GRB14: variants seen among roughly 807,000 people sequenced by gnomAD.
GRB14 encodes the protein growth factor receptor bound protein 14, also known as growth factor receptor-bound protein 14.
GRB14 carries 38 observed loss-of-function variants against 69.1 expected under a neutral mutation model. The ratio of observed to expected loss-of-function variants is 0.55; its 90% CI spans 0.42 to 0.72. GRB14 has a LOEUF of 0.72. GRB14 is among the 30% of genes least tolerant of loss of function. GRB14 has a pLI of 0.00. For synonymous variants in GRB14, 247 were observed against 241.3 expected, an observed-to-expected ratio of 1.02 and a Z score of -0.22; for missense variants, 666 against 666.1, an observed-to-expected ratio of 1.00 and a Z score of 0.00.
chr2:164,505,330 C>T (rs1687161184), intron 8 of GRB14, among the ~76,000 whole-genome samples: 1 of 152,136 alleles, frequency 6.6e-6, no homozygotes, highest in Admixed American at 6.6e-5. Flanking sequence ...TGTATTTCAC[C>T]CATTTTTAGA....
chr2:164,619,945 G>A (rs1229632382), intron 1 of GRB14, 126 bp from the exon 2 acceptor site: 2 of 731,020 alleles, frequency 2.7e-6, no homozygotes, highest in Non-Finnish European at 4.6e-6. Context: ...ATTATATAAA[G>A]TATATAGAAA....
chr2:164,571,859 A>C (rs1689131152), intron 2 of GRB14, among the ~76,000 whole-genome samples: 1 of 152,112 alleles, frequency 6.6e-6, no homozygotes, highest in Non-Finnish European at 1.5e-5. Context: ...CCACTATTCC[A>C]CTCTACAACA....
chr2:164,535,433 G>T (rs567043262), intron 3 of GRB14, among the ~76,000 whole-genome samples: 1 of 152,308 alleles, frequency 6.6e-6, no homozygotes, highest in South Asian at 2.1e-4. Context: ...TTTCTTTGCT[G>T]AATCTACTGC....
rs544789559 is a variant in GRB14, at chr2:164,519,241, C to T, written c.816+2739G>A. 5.3e-5 allele frequency among the ~76,000 whole-genome samples: 8 copies of T among 152,190 alleles called. No individual in the cohort carries two copies. In the South Asian group the frequency reaches 1.5e-3, roughly 28 times the overall value. ...CATATGCAAGTCAATAAATGTGATACAACACATAAACAGAATTTAGAACAA... is the reference window on the plus strand; with the variant it reads ...CATATGCAAGTCAATAAATGTGATATAACACATAAACAGAATTTAGAACAA... On this transcript the variant is annotated intron_variant, in intron 6 of 13. Transcript: ENST00000263915.
intron 2 of GRB14, among the ~76,000 whole-genome samples, chr2:164,561,523 G>C (rs1688828318): frequency 6.6e-6 from 1 of 152,148 alleles, no homozygotes; most frequent in South Asian, 2.1e-4. Context: ...GGCAGAAAAG[G>C]TGAGATTCGT....
intron 12 of GRB14, among the ~76,000 whole-genome samples, chr2:164,496,335 G>A (rs891761560): frequency 7.2e-5 from 11 of 152,106 alleles, no homozygotes; most frequent in African/African-American, 2.7e-4. Flanking sequence ...ATTATAGAAA[G>A]TATCTGAAAC....
intron 2 of GRB14, among the ~76,000 whole-genome samples, chr2:164,580,455 A>G (rs1029283423): frequency 2.0e-5 from 3 of 148,918 alleles, no homozygotes; most frequent in Non-Finnish European, 4.5e-5. Context: ...CTGTAATCCC[A>G]GCACTTTGGG....
intron 12 of GRB14, among the ~76,000 whole-genome samples, chr2:164,496,539 C>T (rs1027339265): frequency 1.3e-5 from 2 of 151,922 alleles, no homozygotes; most frequent in African/African-American, 4.8e-5. Flanking sequence ...TGTAAACACA[C>T]AAAAAAATAA....
intron 2 of GRB14, among the ~76,000 whole-genome samples, chr2:164,567,414 G>C (rs1689004408): frequency 6.6e-6 from 1 of 152,100 alleles, no homozygotes; most frequent in Non-Finnish European, 1.5e-5. Context: ...CATGACCTTT[G>C]ACTTAATGGA....
At chr2:164,526,093 C>T (rs950102282) in intron 4 of GRB14, among the ~76,000 whole-genome samples, 9 of 152,082 alleles carry the variant, frequency 5.9e-5, no homozygotes, top group Non-Finnish European at 1.2e-4. Context: ...TTTCTCTTCA[C>T]AGTTGAATTT....
chr2:164,550,606 C>T (rs919053973), intron 2 of GRB14, among the ~76,000 whole-genome samples: 11 of 151,832 alleles, frequency 7.2e-5, no homozygotes, highest in Admixed American at 7.2e-4. Context: ...TTCCTTTGAC[C>T]CAGCAATTTT....
At chr2:164,493,277 C>A (rs751277645) in intron 13 of GRB14, 95 bp from the exon 14 acceptor site, 9 of 1,131,594 alleles carry the variant, frequency 8.0e-6, no homozygotes, top group Non-Finnish European at 1.1e-5. Context: ...GCCAAAACTG[C>A]CAAGTTTATA....
chr2:164,621,451 C>G lies in GRB14; in HGVS notation c.-142G>C. On this transcript the variant is annotated 5_prime_UTR_variant, in exon 1 of 14. Transcript: ENST00000263915. The surrounding 1 kb of genome is among the most constrained non-coding windows in gnomAD (Gnocchi z 6.0). ...GCCTCGCCGCCTGCGCTCGGGGCCC[C>G]GGCGGCTGAGACGCGCGGCCGAGCT... is the stretch of plus-strand genomic sequence containing the variant. The G allele has an allele frequency of 2.8e-6, 1 of 355,830 alleles. No individual in the cohort carries two copies. The highest frequency in any genetic ancestry group is 3.9e-6 in the Non-Finnish European group (1 of 253,700). The allele number at this position is 355,830 out of a possible 1,614,324, so 22.0% of individuals were successfully genotyped here. A position where few individuals can be genotyped will look rare whatever the true frequency, so the allele number is the denominator to read the frequency against.
chr2:164,575,379 T>G (rs754715265), intron 2 of GRB14, among the ~76,000 whole-genome samples: 1 of 152,114 alleles, frequency 6.6e-6, no homozygotes, highest in Non-Finnish European at 1.5e-5. Flanking sequence ...ATAACTGAAA[T>G]AAACACTGAA....
intron 2 of GRB14, among the ~76,000 whole-genome samples, chr2:164,548,855 T>C (rs145895127): frequency 5.9e-5 from 9 of 152,280 alleles, no homozygotes; most frequent in East Asian, 1.9e-4. Context: ...CATTTTTATG[T>C]CTATTCAGGC....
At chr2:164,548,625 C>A (rs903481291) in intron 2 of GRB14, among the ~76,000 whole-genome samples, 2 of 152,084 alleles carry the variant, frequency 1.3e-5, no homozygotes, top group African/African-American at 4.8e-5. Context: ...AATTTCTTTA[C>A]AAATATCCAT....
intron 2 of GRB14, among the ~76,000 whole-genome samples, chr2:164,581,032 C>T (rs182776156): frequency 4.6e-5 from 7 of 152,308 alleles, no homozygotes; most frequent in Admixed American, 4.6e-4. Flanking sequence ...TGCCTCTTCC[C>T]TCAAACAAGT....
At chr2:164,528,242 T>C (rs1227599913) in intron 3 of GRB14, among the ~76,000 whole-genome samples, 1 of 152,094 alleles carries the variant, frequency 6.6e-6, no homozygotes, top group Non-Finnish European at 1.5e-5. Context: ...GTATATGTAA[T>C]ATCTGAGAGT....
At chr2:164,616,058 T>C (rs1042242862) in intron 2 of GRB14, among the ~76,000 whole-genome samples, 2 of 152,168 alleles carry the variant, frequency 1.3e-5, no homozygotes, top group Non-Finnish European at 2.9e-5. Context: ...TTAAATTTGC[T>C]TTATTAGTAA....
Sources: gnomAD v4.1 joint callset for allele counts (sites outside exome capture counted in the v4.1 genomes callset) on GRCh38, gnomAD v4.1.1 for gene constraint, Gnocchi (gnomAD v3.1) non-coding constraint, MANE v1.5 for transcripts, NCBI Gene and HGNC (gene_info 2026-07-23, HGNC 2026-07-21) for gene names.